Variants in SEMA6D observed in about 807,000 individuals in gnomAD.
The protein encoded by SEMA6D is semaphorin-6D.
In SEMA6D, 35 loss-of-function variants were observed where a neutral mutation model predicts 106.6. The observed-to-expected ratio is 0.33, with a 90% CI of 0.25 to 0.44. SEMA6D has a LOEUF of 0.44. SEMA6D is among the 20% of genes least tolerant of loss of function. The probability of loss-of-function intolerance (pLI) is 1.00; values close to 1 mark genes in which losing one functional copy is unlikely to be tolerated. For synonymous variants in SEMA6D, 499 were observed against 487.7 expected, an observed-to-expected ratio of 1.02 and a Z score of -0.31; for missense variants, 1,185 against 1,345.9, an observed-to-expected ratio of 0.88 and a Z score of 1.87.
chr15:47,440,316 A>ATGACC (rs58029418), intron 2 of SEMA6D, among the ~76,000 whole-genome samples: 1 of 151,662 alleles, frequency 6.6e-6, no homozygotes, highest in Non-Finnish European at 1.5e-5. Context: ...GCCAAACAAA[A>ATGACC]TGACAGTGGG....
intron 4 of SEMA6D, among the ~76,000 whole-genome samples, chr15:47,629,874 A>G (rs756380283): frequency 3.3e-5 from 5 of 151,908 alleles, no homozygotes; most frequent in Non-Finnish European, 7.4e-5. Flanking sequence ...TGCAAATGAC[A>G]TGATTTTATT....
intron 1 of SEMA6D, among the ~76,000 whole-genome samples, chr15:47,203,277 T>C (rs913428815): frequency 2.0e-5 from 3 of 152,110 alleles, no homozygotes; most frequent in Admixed American, 2.0e-4. Context: ...GGACTCTTTC[T>C]GGAATTTCTT....
intron 3 of SEMA6D, among the ~76,000 whole-genome samples, chr15:47,585,664 C>T (rs1270021320): frequency 6.6e-6 from 1 of 152,020 alleles, no homozygotes; most frequent in Non-Finnish European, 1.5e-5. Flanking sequence ...GGTGCGAGGC[C>T]AAACACATAT....
chr15:47,575,011 A>G (rs1450024854), intron 3 of SEMA6D, among the ~76,000 whole-genome samples: 1 of 152,226 alleles, frequency 6.6e-6, no homozygotes, highest in Non-Finnish European at 1.5e-5. Context: ...ATGCAATGCC[A>G]CAGTGTTTAC....
At chr15:47,506,604 A>ACACACACT (rs1328949747) in intron 3 of SEMA6D, among the ~76,000 whole-genome samples, 6 of 149,604 alleles carry the variant, frequency 4.0e-5, no homozygotes, top group African/African-American at 1.5e-4. Context: ...ACACAAACAC[A>ACACACACT]CACACACACA....
At chr15:47,366,402 G>A (rs1292245601) in intron 1 of SEMA6D, among the ~76,000 whole-genome samples, 1 of 152,168 alleles carries the variant, frequency 6.6e-6, no homozygotes. Flanking sequence ...GGACAAAGGT[G>A]GTAATCTGTT....
intron 4 of SEMA6D, among the ~76,000 whole-genome samples, chr15:47,623,349 G>T (rs1293525356): frequency 1.3e-5 from 2 of 152,058 alleles, no homozygotes; most frequent in Non-Finnish European, 2.9e-5. Context: ...GCTAGTTTAT[G>T]GACTTTACCT....
intron 1 of SEMA6D, among the ~76,000 whole-genome samples, chr15:47,299,366 A>C (rs999073028): frequency 2.0e-5 from 3 of 152,256 alleles, no homozygotes; most frequent in African/African-American, 7.2e-5. Flanking sequence ...TTTGCCTCAC[A>C]GCACATAACC....
At chr15:47,415,518 C>T (rs1038786136) in intron 2 of SEMA6D, among the ~76,000 whole-genome samples, 15 of 152,096 alleles carry the variant, frequency 9.9e-5, no homozygotes, top group African/African-American at 3.6e-4. Flanking sequence ...CCTCTCTACC[C>T]GCTCCCGTCT....
chr15:47,444,043 A>G (rs1045348169), intron 2 of SEMA6D, among the ~76,000 whole-genome samples: 1 of 152,174 alleles, frequency 6.6e-6, no homozygotes, highest in Non-Finnish European at 1.5e-5. Flanking sequence ...CTACCTTTAG[A>G]GTAAGCCACC....
intron 4 of SEMA6D, among the ~76,000 whole-genome samples, chr15:47,652,781 T>A (rs1248168355): frequency 2.6e-5 from 4 of 152,210 alleles, no homozygotes; most frequent in Non-Finnish European, 2.9e-5. Context: ...GGTGTTTCTC[T>A]TATTTAAGGA....
chr15:47,454,835 A>G (rs1456854588), intron 2 of SEMA6D, among the ~76,000 whole-genome samples: 3 of 151,934 alleles, frequency 2.0e-5, no homozygotes, highest in Admixed American at 2.0e-4. Flanking sequence ...GCCAGGTAGT[A>G]TGGGGACTCA....
intron 4 of SEMA6D, among the ~76,000 whole-genome samples, chr15:47,646,597 A>G (rs1307441677): frequency 6.6e-6 from 1 of 152,174 alleles, no homozygotes; most frequent in Non-Finnish European, 1.5e-5. Flanking sequence ...ATTCTGAATC[A>G]CTGTACTTCT....
At chr15:47,296,681 C>G (rs2035815184) in intron 1 of SEMA6D, among the ~76,000 whole-genome samples, 1 of 152,162 alleles carries the variant, frequency 6.6e-6, no homozygotes, top group African/African-American at 2.4e-5. Flanking sequence ...AGCGTTTTAT[C>G]AAGATGTGAA....
At chr15:47,407,403 C>CAAAA (rs1462088729) in intron 1 of SEMA6D, among the ~76,000 whole-genome samples, 29 of 82,208 alleles carry the variant, frequency 3.5e-4, no homozygotes, top group South Asian at 4.2e-4. Context: ...ACAACAACAA[C>CAAAA]AACAACAAAA....
intron 3 of SEMA6D, among the ~76,000 whole-genome samples, chr15:47,488,206 G>A (rs1596130197): frequency 6.6e-6 from 1 of 152,130 alleles, no homozygotes; most frequent in East Asian, 1.9e-4. Context: ...TTGAAAGGGT[G>A]CAGAAATACC....
Position 47,662,571 on chromosome 15 carries a change from T to A in SEMA6D, c.-55+61675T>A, listed in dbSNP as rs150853276. 5.1e-3 allele frequency among the ~76,000 whole-genome samples: 771 copies of A among 152,296 alleles called. 2 individuals carry two copies. Among genetic ancestry groups the A allele is most frequent in the African/African-American group, 0.018 (728 of 41,564 alleles). On this transcript the variant is annotated intron_variant, in intron 4 of 19. Coordinates refer to the SEMA6D transcript ENST00000558014. Reference sequence around the variant, plus strand: ...GTCTCTGAAGGGAGACCTAAATGTGTCCAAATACATTCCAGCAATAACCTG... The same window carrying A: ...GTCTCTGAAGGGAGACCTAAATGTGACCAAATACATTCCAGCAATAACCTG...
chr15:47,434,596 G>A (rs535752893), intron 2 of SEMA6D, among the ~76,000 whole-genome samples: 1 of 152,060 alleles, frequency 6.6e-6, no homozygotes, highest in South Asian at 2.1e-4. Flanking sequence ...CAGACTATAG[G>A]CAAGTGATAC....
At chr15:47,461,912 G>C (rs1035153305) in intron 2 of SEMA6D, among the ~76,000 whole-genome samples, 1 of 151,974 alleles carries the variant, frequency 6.6e-6, no homozygotes, top group Admixed American at 6.6e-5. Context: ...AGTGTGCCCA[G>C]GTCCAAGTCA....
Sources: gnomAD v4.1 joint callset for allele counts (sites outside exome capture counted in the v4.1 genomes callset) on GRCh38, gnomAD v4.1.1 for gene constraint, MANE v1.5 for transcripts, NCBI Gene and HGNC (gene_info 2026-07-23, HGNC 2026-07-21) for gene names.